CCAR1: variants seen among roughly 807,000 people sequenced by gnomAD.
CCAR1 encodes the protein cell division cycle and apoptosis regulator protein 1.
CCAR1 carries 78 observed loss-of-function variants against 163.8 expected under a neutral mutation model. The observed-to-expected ratio is 0.48, with a 90% CI of 0.40 to 0.57. The LOEUF is 0.57. CCAR1 is among the 20% of genes least tolerant of loss of function. The probability of loss-of-function intolerance (pLI) is 0.00; values close to 1 mark genes in which losing one functional copy is unlikely to be tolerated. For missense variants in CCAR1, 1,019 were observed against 1,365.2 expected (o/e 0.75, Z 4.00); for synonymous variants, 443 against 460.7 (o/e 0.96, Z 0.49).
intron 17 of CCAR1, among the ~76,000 whole-genome samples, chr10:68,769,984 C>T (rs977331823): frequency 1.3e-5 from 2 of 151,080 alleles, no homozygotes; most frequent in South Asian, 2.1e-4. Context: ...TAGGTTTATG[C>T]GTATGCTATA....
chr10:68,755,508 G>A lies in CCAR1; in HGVS notation c.1597G>A (p.Gly533Ser), dbSNP rs1250152541. ...TATTCGTTGTTGTAAGGCTCTGACA[G>A]GCATTGATCTAAGTGTGTGCACACA... The part of the protein sequence containing the change: ...TAIRCCKALT[G>S]IDLSVCTQWY... Residue 533 changes from glycine (G) to serine (S), a missense_variant, in exon 13 of 25, where the codon GGC becomes AGC. This residue lies in a region of CCAR1 where 644 missense variants were observed against 904.4 expected (regional missense o/e 0.71). Coordinates refer to ENST00000265872, the MANE Select transcript of CCAR1 (RefSeq NM_018237.4). 6.2e-7 allele frequency: 1 copy of A among 1,613,940 alleles called. No homozygotes were observed. The highest frequency in any genetic ancestry group is 1.3e-5 in the African/African-American group (1 of 74,916).
intron 19 of CCAR1, among the ~76,000 whole-genome samples, chr10:68,777,879 C>T (rs1037394844): frequency 1.3e-5 from 2 of 152,020 alleles, no homozygotes; most frequent in East Asian, 1.9e-4. Context: ...TTGCAGTGAG[C>T]GATGATCACA....
At chr10:68,752,299 T>G (rs930861648) in intron 10 of CCAR1, among the ~76,000 whole-genome samples, 30 of 152,286 alleles carry the variant, frequency 2.0e-4, no homozygotes, top group African/African-American at 7.2e-4. Context: ...TTTTAAAGTT[T>G]CCATACTTCT....
At chr10:68,736,332 A>G (rs1308302849) in intron 2 of CCAR1, among the ~76,000 whole-genome samples, 1 of 18,374 alleles carries the variant, frequency 5.4e-5, no homozygotes. Flanking sequence ...TACTTCACCT[A>G]CTTATCTTTT....
At chr10:68,733,848 G>A (rs1295089935) in intron 2 of CCAR1, among the ~76,000 whole-genome samples, 1 of 152,114 alleles carries the variant, frequency 6.6e-6, no homozygotes, top group South Asian at 2.1e-4. Context: ...ATTTTTGGTA[G>A]AGACAAGGTT....
At chr10:68,724,543 GC>G (rs567170870) in intron 2 of CCAR1, among the ~76,000 whole-genome samples, 148 of 152,088 alleles carry the variant, frequency 9.7e-4, no homozygotes, top group African/African-American at 3.3e-3. Context: ...TCCCATCTTG[GC>G]CTCCTAAAGT....
rs771364994 is a variant in CCAR1 at position 68,747,585 on chromosome 10, C to T, written c.826+19C>T. The T allele has an allele frequency of 3.1e-6, 5 of 1,599,572 alleles. No homozygotes were observed. In the South Asian group the frequency reaches 4.5e-5, roughly 14 times the overall value. On this transcript the variant is annotated intron_variant, in intron 8 of 24. Transcript: ENST00000265872. The stretch of plus-strand genomic sequence containing the variant: ...CAAAAAGGTATCTTTGCTTTTGTTT[C>T]AGGCAAATGTATAACTTTTTAGTTG...
intron 24 of CCAR1, among the ~76,000 whole-genome samples, 164 bp from the exon 25 acceptor site, chr10:68,791,043 G>A (rs2056847052): frequency 1.3e-5 from 2 of 151,870 alleles, no homozygotes; most frequent in Admixed American, 6.6e-5. Context: ...GCAGAATTGA[G>A]GTAAATGCTT....
In CCAR1 at chr10:68,787,960, G is replaced by A; in HGVS notation, c.2914G>A (p.Glu972Lys). The change falls in exon 22 of 25, where the codon GAA becomes AAA. Residue 972 changes from glutamate (E) to lysine (K), a missense_variant. Transcript: ENST00000265872. ...GCTTCTTAATAAAGTAGTGCTCCGT[G>A]AATCTTGCTTTTACCGGAAATTAAC... is the stretch of plus-strand genomic sequence containing the variant. Reference protein sequence around the residue: ...KKLLNKVVLRESCFYRKLTDT... With the variant: ...KKLLNKVVLRKSCFYRKLTDT... 1.9e-6 allele frequency: 3 copies of A among 1,612,920 alleles called. No homozygotes were observed. Among genetic ancestry groups the A allele is most frequent in the Non-Finnish European group, 2.5e-6 (3 of 1,179,464 alleles).
chr10:68,735,949 T>A (rs908588131), intron 2 of CCAR1: 4 of 152,100 alleles, frequency 2.6e-5, no homozygotes, highest in African/African-American at 4.8e-5. Flanking sequence ...GGCTCCCAGG[T>A]TTAAATGATT....
chr10:68,746,462 A>G (rs185091257), intron 6 of CCAR1, among the ~76,000 whole-genome samples: 89 of 151,500 alleles, frequency 5.9e-4, no homozygotes, highest in African/African-American at 2.0e-3. Flanking sequence ...ACTCCTGACC[A>G]TGTTAGCCAG....
Position 68,761,210 on chromosome 10 carries a change from T to C in CCAR1, c.2106+18T>C, listed in dbSNP as rs1271856065. ...ATAAAGAGGTATGTACTCAATCTAT[T>C]ATTATACTCTATGGTATTAATATTC... On this transcript the variant is annotated intron_variant, in intron 16 of 24. Coordinates refer to ENST00000265872, the MANE Select transcript of CCAR1 (RefSeq NM_018237.4). 1.4e-6 allele frequency: 2 copies of C among 1,463,716 alleles called. No individual in the cohort carries two copies. The highest frequency in any genetic ancestry group is 2.7e-5 in the South Asian group (2 of 74,412). 90.7% of individuals were successfully genotyped at this position (1,463,716 alleles called of 1,614,324 possible).
At chr10:68,725,584 A>G (rs2055931924) in intron 2 of CCAR1, among the ~76,000 whole-genome samples, 2 of 152,086 alleles carry the variant, frequency 1.3e-5, no homozygotes, top group Non-Finnish European at 2.9e-5. Flanking sequence ...CTTGAATGAA[A>G]CCAGTTGTGT....
chr10:68,745,990 T>A (rs2056249034), intron 6 of CCAR1, among the ~76,000 whole-genome samples: 1 of 152,036 alleles, frequency 6.6e-6, no homozygotes, highest in Admixed American at 6.6e-5. Context: ...TTATTTATTT[T>A]GAGATGGAGT....
intron 2 of CCAR1, among the ~76,000 whole-genome samples, chr10:68,728,359 G>GT (rs139574162): frequency 0.032 from 4,861 of 149,906 alleles, 126 homozygotes; most frequent in Non-Finnish European, 0.051. Flanking sequence ...AATCCTGGAG[G>GT]TTTTTTTTTC....
chr10:68,753,472 T>C lies in CCAR1; in HGVS notation c.1119-380T>C, dbSNP rs146407927. On this transcript the variant is annotated intron_variant, in intron 10 of 24. Transcript: ENST00000265872. ...CTGATTGAGGGGCGTACAGAAATAC[T>C]AATACTCTCATTGCTGTTTTGTATC... Among the ~76,000 whole-genome samples the C allele has an allele frequency of 2.3e-3, 351 of 152,340 alleles. 1 individual carries two copies. Among genetic ancestry groups the C allele is most frequent in the African/African-American group, 8.1e-3 (335 of 41,596 alleles).
intron 2 of CCAR1, among the ~76,000 whole-genome samples, chr10:68,733,986 A>C (rs1261316500): frequency 6.6e-6 from 1 of 152,184 alleles, no homozygotes; most frequent in African/African-American, 2.4e-5. Flanking sequence ...ATTTTTTAAA[A>C]TTATTGTTTT....
chr10:68,767,630 C>A (rs1018295972), intron 17 of CCAR1, among the ~76,000 whole-genome samples: 1 of 151,976 alleles, frequency 6.6e-6, no homozygotes, highest in Non-Finnish European at 1.5e-5. Context: ...CTGCAACCTC[C>A]GCCTCCCAGG....
intron 8 of CCAR1, 32 bp from the exon 9 acceptor site, chr10:68,749,104 C>A (rs200653197): frequency 6.2e-7 from 1 of 1,612,930 alleles, no homozygotes; most frequent in East Asian, 2.2e-5. Context: ...TGTTTAGACA[C>A]GCTAAACGTT....
Sources: allele counts gnomAD v4.1 joint callset (sites outside exome capture counted in the v4.1 genomes callset), GRCh38; gene constraint gnomAD v4.1.1; regional missense constraint gnomAD v4.1.1; transcripts MANE v1.5; gene names NCBI Gene and HGNC (gene_info 2026-07-23, HGNC 2026-07-21).